The following RANBP2 variants were observed in gnomAD, a reference collection of about 807,000 sequenced individuals.
The protein encoded by RANBP2 is E3 SUMO-protein ligase RanBP2.
Under a neutral mutation model 303.6 loss-of-function variants are expected in RANBP2, and 57 were observed. The ratio of observed to expected loss-of-function variants is 0.19; its 90% CI spans 0.15 to 0.23. The LOEUF is 0.23. Among genes scored for constraint, RANBP2 ranks in the 10% least tolerant of loss-of-function variants. The pLI is 1.00. For synonymous variants in RANBP2, 1,167 were observed against 1,301.5 expected (o/e 0.90, Z 2.23); for missense variants, 3,138 against 3,780.8 (o/e 0.83, Z 4.46).
At chr2:109,765,833 G>A in the RANBP2 span, among the ~76,000 whole-genome samples, 2 of 150,876 alleles carry the variant, frequency 1.3e-5, no homozygotes, top group Non-Finnish European at 1.5e-5. Context: ...GGGGACATGC[G>A]CAGGCCAGTG....
chr2:109,139,596 A>T, the RANBP2 span, among the ~76,000 whole-genome samples: 1 of 152,210 alleles, frequency 6.6e-6, no homozygotes, highest in African/African-American at 2.4e-5. Context: ...TGGAATTGGG[A>T]GTGTATCTGC....
chr2:109,417,121 A>G, the RANBP2 span, among the ~76,000 whole-genome samples: 2 of 152,296 alleles, frequency 1.3e-5, no homozygotes, highest in South Asian at 4.1e-4. Context: ...GATCCTGCCC[A>G]CACATTTCTT....
chr2:109,574,454 A>AG, the RANBP2 span: 1 of 619,566 alleles, frequency 1.6e-6, no homozygotes, highest in Admixed American at 4.5e-5. Context: ...AAAAAAAAAA[A>AG]AAAAAAAAAA....
At chr2:108,992,179 A>G in the RANBP2 span, among the ~76,000 whole-genome samples, 7 of 152,340 alleles carry the variant, frequency 4.6e-5, no homozygotes, top group South Asian at 1.4e-3. Context: ...CCATCAAAGT[A>G]GCATTCTCCT....
chr2:109,184,895 C>T, the RANBP2 span, among the ~76,000 whole-genome samples: 2 of 152,242 alleles, frequency 1.3e-5, no homozygotes, highest in Non-Finnish European at 2.9e-5. Flanking sequence ...GCGAAAAAGG[C>T]CTCATCAAAC....
the RANBP2 span, among the ~76,000 whole-genome samples, chr2:109,499,199 G>A: frequency 2.6e-5 from 4 of 152,186 alleles, no homozygotes; most frequent in East Asian, 3.9e-4. Context: ...ATCCAGAGCC[G>A]CGGGGGCCGT....
At chr2:109,421,398 C>A in the RANBP2 span, among the ~76,000 whole-genome samples, 10 of 152,236 alleles carry the variant, frequency 6.6e-5, no homozygotes, top group African/African-American at 2.4e-4. Context: ...GAGGGCTCCC[C>A]AGCTTGAGGC....
the RANBP2 span, chr2:108,846,852 A>G: frequency 1.9e-6 from 3 of 1,613,770 alleles, no homozygotes; most frequent in Admixed American, 3.3e-5. Flanking sequence ...TAAACCAAAG[A>G]CAGCTGCTTT....
chr2:109,164,660 T>G, the RANBP2 span, among the ~76,000 whole-genome samples: 4 of 152,180 alleles, frequency 2.6e-5, no homozygotes, highest in African/African-American at 9.7e-5. Flanking sequence ...AAAAGAGCAC[T>G]TACTTGTATC....
the RANBP2 span, among the ~76,000 whole-genome samples, chr2:109,632,132 T>C: frequency 6.6e-6 from 1 of 152,122 alleles, no homozygotes; most frequent in Non-Finnish European, 1.5e-5. Context: ...TTGGTGAACA[T>C]GTTGATGTGC....
chr2:109,129,604 G>C, the RANBP2 span: 1 of 1,481,690 alleles, frequency 6.7e-7, no homozygotes. Context: ...GCAGAGCGAG[G>C]GCGACGAGGA....
the RANBP2 span, among the ~76,000 whole-genome samples, chr2:108,877,314 C>A: frequency 1.4e-5 from 2 of 138,584 alleles, no homozygotes; most frequent in Admixed American, 7.4e-5. Flanking sequence ...CAAAAAAAAA[C>A]AGAATTAGCC....
chr2:109,299,490 C>T, the RANBP2 span, among the ~76,000 whole-genome samples: 1 of 152,036 alleles, frequency 6.6e-6, no homozygotes, highest in South Asian at 2.1e-4. Context: ...AGGGAGACCT[C>T]CCATGATGTA....
At chr2:109,655,120 A>T in the RANBP2 span, among the ~76,000 whole-genome samples, 2 of 151,922 alleles carry the variant, frequency 1.3e-5, no homozygotes, top group African/African-American at 4.8e-5. Context: ...CCAGGCTGAT[A>T]TCGAATTCCT....
chr2:109,549,751 C>G, the RANBP2 span, among the ~76,000 whole-genome samples: 1 of 152,072 alleles, frequency 6.6e-6, no homozygotes, highest in African/African-American at 2.4e-5. Context: ...TATATATAGA[C>G]ACCTATAGTA....
the RANBP2 span, among the ~76,000 whole-genome samples, chr2:109,349,738 G>A: frequency 6.6e-6 from 1 of 152,218 alleles, no homozygotes; most frequent in Non-Finnish European, 1.5e-5. Context: ...ACGGGCTGTC[G>A]CAGGGCCCTG....
chr2:109,544,271 C>T, the RANBP2 span: 2 of 1,612,414 alleles, frequency 1.2e-6, no homozygotes, highest in East Asian at 2.2e-5. Flanking sequence ...ATAAAGTTTG[C>T]TTGTGATGAT....
intron 15 of RANBP2, 85 bp from the exon 16 acceptor site, chr2:108,754,820 A>G: frequency 1.3e-6 from 2 of 1,593,484 alleles, no homozygotes; most frequent in Non-Finnish European, 1.7e-6. Flanking sequence ...AAAAATGTAA[A>G]TAAGATAAAA....
At chr2:109,158,989 CGCCTGTAATCCCAGCTACTTGGGAGGCT>C in the RANBP2 span, among the ~76,000 whole-genome samples, 2 of 152,172 alleles carry the variant, frequency 1.3e-5, no homozygotes, top group Admixed American at 6.5e-5. Flanking sequence ...TGGTGGCACA[CGCCTGTAATCCCAGCTACTTGGGAGGCT>C]GAGGCAGGAG....
Sources: allele counts gnomAD v4.1 joint callset (sites outside exome capture counted in the v4.1 genomes callset), GRCh38; gene constraint gnomAD v4.1.1; transcripts MANE v1.5; gene names NCBI Gene and HGNC (gene_info 2026-07-23, HGNC 2026-07-21).